SLC7A14: variants seen among roughly 807,000 people sequenced by gnomAD.
The protein encoded by SLC7A14 is gamma-aminobutyric acid transporter SLC7A14.
A neutral mutation model predicts 60.2 loss-of-function variants in SLC7A14; 37 were observed. The observed-to-expected ratio is 0.61, with a 90% CI of 0.47 to 0.81. The LOEUF is 0.81. Among genes scored for constraint, SLC7A14 ranks in the 30% least tolerant of loss-of-function variants. The probability of loss-of-function intolerance (pLI) is 0.00; values close to 1 mark genes in which losing one functional copy is unlikely to be tolerated. For missense variants in SLC7A14, 886 were observed against 982.7 expected, an observed-to-expected ratio of 0.90 and a Z score of 1.32; for synonymous variants, 399 against 395.8, an observed-to-expected ratio of 1.01 and a Z score of -0.10.
intron 1 of SLC7A14, among the ~76,000 whole-genome samples, chr3:170,569,796 G>A (rs1280807165): frequency 1.3e-5 from 2 of 152,238 alleles, no homozygotes; most frequent in African/African-American, 4.8e-5. Context: ...GTTTATTTGT[G>A]TAGAGGTGTT....
At chr3:170,502,670 A>C (rs1370116391) in intron 2 of SLC7A14, 2 of 152,202 alleles carry the variant, frequency 1.3e-5, no homozygotes, top group African/African-American at 4.8e-5. Context: ...ACAATAGTTC[A>C]CTCTTTTGTG....
intron 4 of SLC7A14, among the ~76,000 whole-genome samples, chr3:170,493,842 T>C (rs1478858741): frequency 6.6e-6 from 1 of 152,192 alleles, no homozygotes; most frequent in African/African-American, 2.4e-5. Context: ...GCAGAGAGGA[T>C]GAATCAGCAA....
At chr3:170,537,354 T>C (rs2108298445) in intron 1 of SLC7A14, among the ~76,000 whole-genome samples, 1 of 152,296 alleles carries the variant, frequency 6.6e-6, no homozygotes, top group Non-Finnish European at 1.5e-5. Context: ...ATCCTTGTAA[T>C]TATATCAAAT....
At position 170,466,923 on chromosome 3, in the gene SLC7A14, C is replaced by T. The variant is rs148885704; in HGVS notation, c.*132G>A. On this transcript the variant is annotated 3_prime_UTR_variant, in exon 8 of 8. Coordinates refer to ENST00000231706, the MANE Select transcript of SLC7A14 (RefSeq NM_020949.3). ...AAGAGCAAAAGTAGCAAATGACAGG[C>T]TATGACTAGGGATTGAATTTGGGGA... 6.9e-5 allele frequency: 53 copies of T among 763,194 alleles called. No homozygotes were observed. The African/African-American group carries it at 8.5e-4, about 12-fold the overall frequency. 47.3% of individuals were successfully genotyped at this position (763,194 alleles called of 1,614,324 possible).
At chr3:170,482,045 C>A (rs1711846132) in intron 6 of SLC7A14, among the ~76,000 whole-genome samples, 1 of 152,168 alleles carries the variant, frequency 6.6e-6, no homozygotes, top group Non-Finnish European at 1.5e-5. Flanking sequence ...CCACCTATAA[C>A]AAAAGTTCAT....
intron 1 of SLC7A14, among the ~76,000 whole-genome samples, chr3:170,536,969 A>G (rs1713867724): frequency 6.6e-6 from 1 of 152,166 alleles, no homozygotes; most frequent in South Asian, 2.1e-4. Flanking sequence ...TGCCCATCTC[A>G]GCATGTCCTT....
intron 1 of SLC7A14, among the ~76,000 whole-genome samples, chr3:170,528,468 T>G (rs1385217778): frequency 1.3e-5 from 2 of 152,236 alleles, no homozygotes; most frequent in African/African-American, 4.8e-5. Context: ...GACATTTATA[T>G]AATCAGTAAG....
chr3:170,576,472 T>C (rs1282289049), intron 1 of SLC7A14, among the ~76,000 whole-genome samples: 1 of 152,204 alleles, frequency 6.6e-6, no homozygotes, highest in Non-Finnish European at 1.5e-5. Flanking sequence ...AGGAGGCTTT[T>C]TGTAGGAGCT....
In SLC7A14 at chr3:170,467,223, G is replaced by T; in HGVS notation, c.2148C>A (p.Ser716Arg). The T allele has an allele frequency of 6.2e-7, 1 of 1,614,258 alleles. No individual in the cohort carries two copies. Among genetic ancestry groups the T allele is most frequent in the Non-Finnish European group, 8.5e-7 (1 of 1,180,052 alleles). Residue 716 changes from serine (S) to arginine (R), a missense_variant, in exon 8 of 8, where the codon AGC (serine) becomes AGA (arginine). Transcript: ENST00000231706. ...CAGTGGGCCCGCCCCAGTCCTCCTG[G>T]CTCTCGCCCTCTGTGGCGTAGGAGA... Reference protein sequence around the residue: ...EGFSYATEGESQEDWGGPTED... With the variant: ...EGFSYATEGERQEDWGGPTED...
chr3:170,564,094 G>T (rs926787196), intron 1 of SLC7A14, among the ~76,000 whole-genome samples: 1 of 152,202 alleles, frequency 6.6e-6, no homozygotes, highest in Non-Finnish European at 1.5e-5. Flanking sequence ...TGTGTGACAA[G>T]TATGGAGCAC....
intron 3 of SLC7A14, 67 bp from the exon 4 acceptor site, chr3:170,498,951 T>C: frequency 6.8e-7 from 1 of 1,469,284 alleles, no homozygotes; most frequent in Middle Eastern, 1.8e-4. Flanking sequence ...CTCCTGGTCC[T>C]ACCCCACTGC....
chr3:170,496,546 G>A, intron 4 of SLC7A14: 2 of 1,591,628 alleles, frequency 1.3e-6, no homozygotes, highest in Non-Finnish European at 1.7e-6. Context: ...CAGCAGCTGC[G>A]TGAGTACCAG....
chr3:170,538,527 G>A (rs1713916796), intron 1 of SLC7A14, among the ~76,000 whole-genome samples: 1 of 152,084 alleles, frequency 6.6e-6, no homozygotes, highest in Admixed American at 6.5e-5. Context: ...CTTTAATTTT[G>A]TCGATATACG....
At chr3:170,557,435 T>C (rs901427992) in intron 1 of SLC7A14, among the ~76,000 whole-genome samples, 2 of 152,196 alleles carry the variant, frequency 1.3e-5, no homozygotes, top group Non-Finnish European at 1.5e-5. Context: ...ATACTGATTC[T>C]GTGTCAGGTG....
rs1711913760 is a variant in SLC7A14, at chr3:170,483,467, G to GGGGATTCC, written c.954_961dup (p.Pro321ArgfsTer20). The GGGGATTCC allele has an allele frequency of 1.9e-6, 3 of 1,614,172 alleles. No homozygotes were observed. Among genetic ancestry groups the GGGGATTCC allele is most frequent in the Non-Finnish European group, 2.5e-6 (3 of 1,180,040 alleles). Reference sequence around the variant, plus strand: ...ATGAGCCACAAACATCTCCATGAGTGGGGATTCCGTGTCAATGGTATAATA... The same window carrying GGGGATTCC: ...ATGAGCCACAAACATCTCCATGAGTGGGGATTCCGGGATTCCGTGTCAATGGTATAATA... On this transcript the variant is annotated frameshift_variant, in exon 6 of 8. Transcript: ENST00000231706. LOFTEE classifies it high-confidence loss of function.
At chr3:170,578,354 T>C (rs902785804) in intron 1 of SLC7A14, among the ~76,000 whole-genome samples, 1 of 152,090 alleles carries the variant, frequency 6.6e-6, no homozygotes, top group Non-Finnish European at 1.5e-5. Context: ...ACTGAAGTTC[T>C]ATTCACCATC....
chr3:170,521,714 A>T (rs951614201), intron 2 of SLC7A14, among the ~76,000 whole-genome samples: 2 of 152,202 alleles, frequency 1.3e-5, no homozygotes, highest in African/African-American at 4.8e-5. Context: ...CGAGGTCAGG[A>T]GTTCGAGACC....
chr3:170,487,067 A>G (rs1176156196), intron 4 of SLC7A14, among the ~76,000 whole-genome samples: 1 of 147,630 alleles, frequency 6.8e-6, no homozygotes, highest in African/African-American at 2.5e-5. Flanking sequence ...AAGACATGGT[A>G]AAGACAGTTT....
At chr3:170,511,036 T>C (rs530427764) in intron 2 of SLC7A14, among the ~76,000 whole-genome samples, 42 of 152,196 alleles carry the variant, frequency 2.8e-4, no homozygotes, top group Non-Finnish European at 5.3e-4. Context: ...CAGAGAGTGG[T>C]TATGACAATG....
Sources: gnomAD v4.1 joint callset for allele counts (sites outside exome capture counted in the v4.1 genomes callset) on GRCh38, gnomAD v4.1.1 for gene constraint, MANE v1.5 for transcripts, NCBI Gene and HGNC (gene_info 2026-07-23, HGNC 2026-07-21) for gene names.